Variants in SH3BP5 observed in about 807,000 individuals in gnomAD.
SH3BP5 encodes SH3 domain-binding protein 5.
SH3BP5 carries 22 observed loss-of-function variants against 43.3 expected under a neutral mutation model. That is an observed-to-expected ratio of 0.51 (90% CI 0.36 to 0.73). The LOEUF (loss-of-function observed/expected upper bound fraction) is 0.73. Ranked by LOEUF, SH3BP5 falls within the 30% of genes least tolerant of loss-of-function variation. The probability of loss-of-function intolerance (pLI) is 0.00; values close to 1 mark genes in which losing one functional copy is unlikely to be tolerated. For missense variants in SH3BP5, 529 were observed against 586.9 expected (o/e 0.90, Z 1.02); for synonymous variants, 255 against 225.8 (o/e 1.13, Z -1.16).
intron 3 of SH3BP5, among the ~76,000 whole-genome samples, chr3:15,283,219 A>C (rs1697175517): frequency 6.6e-6 from 1 of 152,154 alleles, no homozygotes; most frequent in African/African-American, 2.4e-5. Context: ...CCAACATGGC[A>C]AAACCCCGTC....
chr3:15,338,777 A>G (rs1327774000), intron 1 of SH3BP5, among the ~76,000 whole-genome samples: 3 of 152,132 alleles, frequency 2.0e-5, no homozygotes, highest in African/African-American at 7.2e-5. Flanking sequence ...GAAAATGCAG[A>G]CATCTCTGAT....
chr3:15,304,290 C>G, intron 2 of SH3BP5, 59 bp from the exon 3 acceptor site: 1 of 1,612,262 alleles, frequency 6.2e-7, no homozygotes, highest in Non-Finnish European at 8.5e-7. Context: ...TCTGCAAACA[C>G]CTACTGGACC....
chr3:15,299,643 T>C (rs934633295), intron 3 of SH3BP5, among the ~76,000 whole-genome samples: 4 of 151,896 alleles, frequency 2.6e-5, no homozygotes, highest in Non-Finnish European at 5.9e-5. Context: ...CAGGCACATA[T>C]CACTACATCC....
intron 2 of SH3BP5, among the ~76,000 whole-genome samples, chr3:15,313,770 T>A (rs77234603): frequency 6.6e-6 from 1 of 152,116 alleles, no homozygotes; most frequent in African/African-American, 2.4e-5. Context: ...AAGCAAACAC[T>A]TGAAATGTGG....
chr3:15,271,648 A>C (rs1048012291), intron 3 of SH3BP5: 1 of 152,028 alleles, frequency 6.6e-6, no homozygotes, highest in African/African-American at 2.4e-5. Flanking sequence ...ATTGCACTCC[A>C]GCCTGGATGA....
At chr3:15,311,007 T>C (rs1698043066) in intron 2 of SH3BP5, among the ~76,000 whole-genome samples, 1 of 152,150 alleles carries the variant, frequency 6.6e-6, no homozygotes, top group Non-Finnish European at 1.5e-5. Flanking sequence ...TCACCTCAAT[T>C]ACCTTGCCTG....
chr3:15,256,682 C>A (rs1416068515), intron 8 of SH3BP5, 171 bp downstream of exon 8: 2 of 770,258 alleles, frequency 2.6e-6, no homozygotes, highest in Non-Finnish European at 4.0e-6. Context: ...AGGAGCCCCC[C>A]CAGAACAGCA....
At position 15,322,856 on chromosome 3, in the gene SH3BP5, G is replaced by A. The variant is rs554105780; in HGVS notation, c.201+7648C>T. Among the ~76,000 whole-genome samples the A allele has an allele frequency of 1.9e-4, 27 of 145,268 alleles. No homozygotes were observed. In the East Asian group the frequency reaches 3.3e-3, roughly 18 times the overall value. The stretch of plus-strand genomic sequence containing the variant: ...TCTCAGGAAAAAACAAAAACAAAGC[G>A]GGAGGCCGGGCGCAGTAGCTCACGC... On this transcript the variant is annotated intron_variant, in intron 2 of 8. Coordinates refer to ENST00000383791, the MANE Select transcript of SH3BP5 (RefSeq NM_004844.5).
chr3:15,292,326 G>A (rs1697435041), intron 3 of SH3BP5, among the ~76,000 whole-genome samples: 1 of 152,130 alleles, frequency 6.6e-6, no homozygotes, highest in East Asian at 1.9e-4. Flanking sequence ...AACACTGCCT[G>A]CCCAGCAGCA....
chr3:15,299,935 TCA>T lies in SH3BP5; in HGVS notation c.330+4166_330+4167del, dbSNP rs1697688270. On this transcript the variant is annotated intron_variant, in intron 3 of 8. Transcript: ENST00000383791. ...CATACGTACTTTTATTTCAAAATAT[TCA>T]CAAAGTTAAGAAAAAGTACAGTACA... Among the ~76,000 whole-genome samples the T allele has an allele frequency of 2.0e-5, 3 of 152,158 alleles. No homozygotes were observed. The East Asian group carries it at 5.8e-4, about 29-fold the overall frequency.
rs1300905282 is a variant in SH3BP5, at chr3:15,269,817, C to T, written c.391G>A (p.Ala131Thr). 2.3e-5 allele frequency: 37 copies of T among 1,608,820 alleles called. No homozygotes were observed. Among genetic ancestry groups the T allele is most frequent in the Non-Finnish European group, 2.8e-5 (33 of 1,176,532 alleles). ...GCCAGGGAGATGGTCTCCTTGGCGG[C>T]ACGGAGCACCTCTGTGGCCCTCTGG... ...DFQRATEVLR[A>T]AKETISLAEQ... Residue 131 changes from alanine to threonine, a missense_variant, in exon 4 of 9, where the codon GCC becomes ACC. Ala to Thr is a moderately conservative substitution (Grantham distance 58). Around this residue, in one of 3 missense-constraint regions of SH3BP5, gnomAD observed 85 missense variants for 140.8 expected, o/e 0.60. Transcript: ENST00000383791.
In SH3BP5 at chr3:15,258,883, G is replaced by A. The variant is rs757952037; in HGVS notation, c.837C>T (p.Ser279=). ...RGCGVGAEGS[S]TSVEDLPGSK... is the part of the protein sequence containing the mutation. Reference sequence around the variant, plus strand: ...TCCCTGGCAGATCCTCCACAGATGTGCTGCTGCCCTCAGCACCAACACCGC... The same window carrying A: ...TCCCTGGCAGATCCTCCACAGATGTACTGCTGCCCTCAGCACCAACACCGC... The change falls in exon 7 of 9, where the codon AGC becomes AGT. Residue 279 remains serine (S), a synonymous_variant. Transcript: ENST00000383791. 1.9e-6 allele frequency: 3 copies of A among 1,614,084 alleles called. No homozygotes were observed. In the East Asian group the frequency reaches 6.7e-5, roughly 36 times the overall value.
chr3:15,289,237 A>T (rs541511841), intron 3 of SH3BP5, among the ~76,000 whole-genome samples: 3 of 152,362 alleles, frequency 2.0e-5, no homozygotes, highest in African/African-American at 7.2e-5. Context: ...GCTAGCTAAA[A>T]GACTCCAAGT....
chr3:15,257,298 A>G lies in SH3BP5; in HGVS notation c.890-185T>C, dbSNP rs1181605233. 5.0e-6 allele frequency: 3 copies of G among 594,082 alleles called. No individual in the cohort carries two copies. The East Asian group carries it at 8.5e-5, about 17-fold the overall frequency. 36.8% of individuals were successfully genotyped at this position (594,082 alleles called of 1,614,324 possible). On this transcript the variant is annotated intron_variant, in intron 7 of 8. Transcript: ENST00000383791. ...CCAGCCTCTAAAGCAGCTGGAAGGG[A>G]AGCAGCTGGCAGCAGGATCCCATGG...
intron 3 of SH3BP5, among the ~76,000 whole-genome samples, chr3:15,286,113 C>T (rs1223763240): frequency 1.3e-5 from 2 of 152,200 alleles, no homozygotes; most frequent in Non-Finnish European, 2.9e-5. Flanking sequence ...CGGGCCCTGG[C>T]CAGAGCAGGC....
At chr3:15,314,807 A>G (rs1698146849) in intron 2 of SH3BP5, among the ~76,000 whole-genome samples, 1 of 152,190 alleles carries the variant, frequency 6.6e-6, no homozygotes, top group African/African-American at 2.4e-5. Flanking sequence ...CAGGGACCTA[A>G]TTCCCCTTCC....
chr3:15,288,444 G>A (rs561927654), intron 3 of SH3BP5, among the ~76,000 whole-genome samples: 98 of 152,318 alleles, frequency 6.4e-4, no homozygotes, highest in African/African-American at 2.3e-3. Flanking sequence ...GAGGTTTCAG[G>A]AGGCAGGAAG....
chr3:15,320,169 T>C (rs1306835063), intron 2 of SH3BP5, among the ~76,000 whole-genome samples: 2 of 152,154 alleles, frequency 1.3e-5, no homozygotes, highest in African/African-American at 4.8e-5. Context: ...CATGCTTTGG[T>C]TGGGTTTAAT....
At chr3:15,278,133 G>C (rs956808627) in intron 3 of SH3BP5, among the ~76,000 whole-genome samples, 1 of 152,238 alleles carries the variant, frequency 6.6e-6, no homozygotes, top group Non-Finnish European at 1.5e-5. Flanking sequence ...CACTTGGTAG[G>C]AAGCCTCTGT....
Sources: gnomAD v4.1 joint callset for allele counts (sites outside exome capture counted in the v4.1 genomes callset) on GRCh38, gnomAD v4.1.1 for gene constraint, gnomAD v4.1.1 regional missense constraint, MANE v1.5 for transcripts, NCBI Gene and HGNC (gene_info 2026-07-23, HGNC 2026-07-21) for gene names.